The following CLEC2A variants were observed in gnomAD, a reference collection of about 807,000 sequenced individuals.
The protein encoded by CLEC2A is keratinocyte-associated C-type lectin.
In CLEC2A, 19 loss-of-function variants were observed where a neutral mutation model predicts 18.6. That is an observed-to-expected ratio of 1.02 (90% CI 0.71 to 1.50). CLEC2A has a LOEUF of 1.50. Among genes scored for constraint, CLEC2A ranks in the 40% most tolerant of loss-of-function variants. The pLI is 0.00. For missense variants in CLEC2A, 190 were observed against 207.9 expected, an observed-to-expected ratio of 0.91 and a Z score of 0.53; for synonymous variants, 74 against 64.0, an observed-to-expected ratio of 1.16 and a Z score of -0.75.
At chr12:9,886,269 T>C in the CLEC2A span, among the ~76,000 whole-genome samples, 2 of 152,160 alleles carry the variant, frequency 1.3e-5, no homozygotes, top group Non-Finnish European at 2.9e-5. Context: ...ATATTCTTCA[T>C]GGCTTCCAGT....
downstream of CLEC2A, chr12:9,895,854 A>C: frequency 6.6e-7 from 1 of 1,508,630 alleles, no homozygotes; most frequent in African/African-American, 1.4e-5. Flanking sequence ...AAACATAGAA[A>C]TACTTTGCAT....
intron 3 of CLEC2A, among the ~76,000 whole-genome samples, chr12:9,920,257 G>A (rs571488063): frequency 6.6e-5 from 10 of 152,244 alleles, no homozygotes; most frequent in Admixed American, 2.0e-4. Context: ...CTCCCTCTTC[G>A]CTGGAGTTTC....
At chr12:9,891,303 A>T in the CLEC2A span, among the ~76,000 whole-genome samples, 3 of 152,310 alleles carry the variant, frequency 2.0e-5, no homozygotes, top group South Asian at 4.1e-4. Context: ...TGTTTTTCTC[A>T]ATTTTCATCC....
downstream of CLEC2A, chr12:9,895,740 A>T (rs1364110294): frequency 2.0e-6 from 3 of 1,535,854 alleles, no homozygotes; most frequent in Non-Finnish European, 2.6e-6. Flanking sequence ...TTATCACAGG[A>T]AACTGGGTGT....
chr12:9,888,903 G>C, the CLEC2A span: 1 of 532,166 alleles, frequency 1.9e-6, no homozygotes, highest in Admixed American at 2.9e-5. Context: ...AAGGTATGGG[G>C]CTGAAAAGGA....
the CLEC2A span, chr12:9,888,828 GT>G: frequency 8.4e-7 from 1 of 1,194,840 alleles, no homozygotes; most frequent in Non-Finnish European, 1.2e-6. Flanking sequence ...GGTAAATTTA[GT>G]TTTGGCTTCC....
chr12:9,894,073 CTCTT>C (rs1044212766), downstream of CLEC2A, among the ~76,000 whole-genome samples: 5 of 149,400 alleles, frequency 3.3e-5, no homozygotes, highest in African/African-American at 1.2e-4. Context: ...TTTTTTCTTT[CTCTT>C]TCTCTCTTCT....
At chr12:9,918,647 T>C (rs1400991580) in intron 3 of CLEC2A, among the ~76,000 whole-genome samples, 3 of 152,192 alleles carry the variant, frequency 2.0e-5, no homozygotes, top group Non-Finnish European at 2.9e-5. Context: ...AAGAATATCA[T>C]TGGTAGTTTG....
the CLEC2A span, chr12:9,881,581 T>C: frequency 6.6e-7 from 1 of 1,507,624 alleles, no homozygotes; most frequent in Non-Finnish European, 8.9e-7. Flanking sequence ...AATAAGACAT[T>C]AGACATTTGA....
At chr12:9,912,914 T>G (rs536331852), downstream of CLEC2A, among the ~76,000 whole-genome samples, 1 of 152,324 alleles carries the variant, frequency 6.6e-6, no homozygotes, top group African/African-American at 2.4e-5. Flanking sequence ...TTTCTTACTA[T>G]CTATCCATTT....
chr12:9,892,352 G>C, the CLEC2A span, among the ~76,000 whole-genome samples: 1 of 152,186 alleles, frequency 6.6e-6, no homozygotes, highest in Non-Finnish European at 1.5e-5. Flanking sequence ...AGGTTGTAAA[G>C]ACAATCTTGA....
chr12:9,905,872 C>T (rs1282562253), intron 4 of CLEC2A, among the ~76,000 whole-genome samples: 2 of 152,076 alleles, frequency 1.3e-5, no homozygotes, highest in East Asian at 1.9e-4. Context: ...TAGCTTCTAC[C>T]CGGTAAATGA....
At position 9,920,983 on chromosome 12, in the gene CLEC2A, G is replaced by T. The variant is rs185775132; in HGVS notation, c.306+1083C>A. Among the ~76,000 whole-genome samples, 164 of 152,282 alleles carry T rather than the reference G, an allele frequency of 1.1e-3. 1 individual carries two copies. Among genetic ancestry groups the T allele is most frequent in the African/African-American group, 3.8e-3 (157 of 41,542 alleles). On this transcript the variant is annotated intron_variant, in intron 3 of 4. Transcript: ENST00000455827. ...ACGAAGACATTTAGATACATAAACA[G>T]TATGCATTGTGGTAAAGGACATGGC...
chr12:9,882,552 C>A, the CLEC2A span, among the ~76,000 whole-genome samples: 1 of 151,966 alleles, frequency 6.6e-6, no homozygotes, highest in Admixed American at 6.6e-5. Context: ...CAGAGGTGGG[C>A]GGGTCACCTG....
chr12:9,890,986 A>G, the CLEC2A span, among the ~76,000 whole-genome samples: 1 of 151,084 alleles, frequency 6.6e-6, no homozygotes, highest in Non-Finnish European at 1.5e-5. Flanking sequence ...AAAGACTTTA[A>G]TTGCATTTGG....
At chr12:9,927,493 A>G (rs1863295164) in intron 1 of CLEC2A, among the ~76,000 whole-genome samples, 1 of 152,228 alleles carries the variant, frequency 6.6e-6, no homozygotes, top group Non-Finnish European at 1.5e-5. Context: ...GCCTATATGC[A>G]TATATATGCT....
chr12:9,894,832 G>A (rs1258597301), downstream of CLEC2A, among the ~76,000 whole-genome samples: 2 of 151,782 alleles, frequency 1.3e-5, no homozygotes, highest in African/African-American at 2.4e-5. Flanking sequence ...AAAAAAGTAA[G>A]ATTTATTACT....
At chr12:9,880,638 C>A in the CLEC2A span, among the ~76,000 whole-genome samples, 5 of 151,964 alleles carry the variant, frequency 3.3e-5, no homozygotes, top group African/African-American at 1.2e-4. Context: ...GACTGGGTAC[C>A]TAGGAAGGCT....
chr12:9,919,340 G>A (rs906890864), intron 3 of CLEC2A, among the ~76,000 whole-genome samples: 1 of 152,196 alleles, frequency 6.6e-6, no homozygotes, highest in African/African-American at 2.4e-5. Context: ...CAGGATGGAG[G>A]GTCTCTGCTG....
Sources: allele counts gnomAD v4.1 joint callset (sites outside exome capture counted in the v4.1 genomes callset), GRCh38; gene constraint gnomAD v4.1.1; transcripts MANE v1.5; gene names NCBI Gene and HGNC (gene_info 2026-07-23, HGNC 2026-07-21).